GPC6: variants seen among roughly 807,000 people sequenced by gnomAD.
The protein encoded by GPC6 is glypican 6, also known as glypican-6.
Under a neutral mutation model 55.2 loss-of-function variants are expected in GPC6, and 14 were observed. The observed-to-expected ratio is 0.25, with a 90% CI of 0.17 to 0.40. The LOEUF (loss-of-function observed/expected upper bound fraction) is 0.40, where lower values mean the gene tolerates loss of function less well. GPC6 is among the 10% of genes least tolerant of loss of function. GPC6 has a pLI of 1.00. For missense variants in GPC6, 641 were observed against 708.5 expected (o/e 0.90, Z 1.08); for synonymous variants, 278 against 259.6 (o/e 1.07, Z -0.68).
At chr13:93,861,738 A>G (rs1888819847) in intron 3 of GPC6, among the ~76,000 whole-genome samples, 1 of 151,718 alleles carries the variant, frequency 6.6e-6, no homozygotes, top group African/African-American at 2.4e-5. Flanking sequence ...ATTGGAAAAC[A>G]GTGAAAAGAA....
At chr13:93,871,974 G>A (rs1304716309) in intron 3 of GPC6, among the ~76,000 whole-genome samples, 1 of 151,480 alleles carries the variant, frequency 6.6e-6, no homozygotes, top group African/African-American at 2.4e-5. Flanking sequence ...CTAGATAAGA[G>A]GCACAAAAGA....
chr13:93,253,868 A>T (rs890862331), intron 1 of GPC6, among the ~76,000 whole-genome samples: 1 of 152,196 alleles, frequency 6.6e-6, no homozygotes, highest in Admixed American at 6.5e-5. Context: ...TAAAATTAAT[A>T]TACTTCCCAT....
the GPC6 span, among the ~76,000 whole-genome samples, chr13:93,220,061 A>C: frequency 6.6e-6 from 1 of 152,164 alleles, no homozygotes; most frequent in Admixed American, 6.5e-5. Flanking sequence ...ATTCCCATAA[A>C]ATTTTATCAG....
intron 2 of GPC6, among the ~76,000 whole-genome samples, chr13:93,577,759 TG>T: frequency 6.6e-6 from 1 of 151,920 alleles, no homozygotes; most frequent in South Asian, 2.1e-4. Flanking sequence ...TAAATAAGAG[TG>T]GTGAAAGTGG....
intron 2 of GPC6, among the ~76,000 whole-genome samples, chr13:93,611,162 T>C (rs976862570): frequency 2.0e-5 from 3 of 152,160 alleles, no homozygotes; most frequent in Admixed American, 2.0e-4. Context: ...ACTCGAGTAC[T>C]ATATAAACTT....
intron 1 of GPC6, among the ~76,000 whole-genome samples, chr13:93,374,332 A>G (rs1157907817): frequency 2.6e-5 from 4 of 152,190 alleles, no homozygotes; most frequent in African/African-American, 9.7e-5. Context: ...AGGCCCGATT[A>G]AGAACATTCT....
intron 4 of GPC6, among the ~76,000 whole-genome samples, chr13:94,065,546 G>C (rs1884488216): frequency 6.6e-6 from 1 of 152,184 alleles, no homozygotes; most frequent in Admixed American, 6.5e-5. Flanking sequence ...AAATAGTGCT[G>C]TGATTTTACT....
At chr13:93,531,884 C>T (rs982199649) in intron 1 of GPC6, among the ~76,000 whole-genome samples, 1 of 152,118 alleles carries the variant, frequency 6.6e-6, no homozygotes, top group African/African-American at 2.4e-5. Flanking sequence ...CCCTCATTTC[C>T]TGCTCCACAT....
intron 2 of GPC6, among the ~76,000 whole-genome samples, chr13:93,630,681 T>A (rs1022003122): frequency 6.6e-6 from 1 of 152,182 alleles, no homozygotes; most frequent in Non-Finnish European, 1.5e-5. Context: ...TAACTAGTCA[T>A]GGATAATCTA....
chr13:93,724,141 G>A (rs1034496866), intron 2 of GPC6, among the ~76,000 whole-genome samples: 3 of 151,394 alleles, frequency 2.0e-5, no homozygotes, highest in Admixed American at 6.6e-5. Flanking sequence ...AGCTTTTACC[G>A]ATGGTACTGG....
chr13:93,597,764 T>C (rs1877826710), intron 2 of GPC6, among the ~76,000 whole-genome samples: 1 of 152,200 alleles, frequency 6.6e-6, no homozygotes, highest in Admixed American at 6.5e-5. Flanking sequence ...ATAGTACATA[T>C]AATTTTAAAA....
intron 4 of GPC6, among the ~76,000 whole-genome samples, chr13:94,159,147 G>A (rs1259923538): frequency 6.6e-6 from 1 of 152,134 alleles, no homozygotes; most frequent in Non-Finnish European, 1.5e-5. Flanking sequence ...GATGATTTGG[G>A]TAGGGATTCC....
chr13:93,403,501 T>C (rs1156690887), intron 1 of GPC6, among the ~76,000 whole-genome samples: 1 of 152,196 alleles, frequency 6.6e-6, no homozygotes, highest in African/African-American at 2.4e-5. Context: ...TCATCATAAT[T>C]AGTGGACTCA....
chr13:93,906,091 G>C (rs1046453692), intron 3 of GPC6, among the ~76,000 whole-genome samples: 3 of 152,120 alleles, frequency 2.0e-5, no homozygotes, highest in Non-Finnish European at 2.9e-5. Flanking sequence ...GATGCAGGGG[G>C]TGTCTCAGAA....
At chr13:94,312,521 G>A (rs1876299595) in intron 6 of GPC6, among the ~76,000 whole-genome samples, 1 of 152,106 alleles carries the variant, frequency 6.6e-6, no homozygotes, top group Admixed American at 6.6e-5. Flanking sequence ...ATTTTAAATT[G>A]CCATGGCATT....
chr13:93,520,243 G>C (rs1881363200), intron 1 of GPC6, among the ~76,000 whole-genome samples: 1 of 151,900 alleles, frequency 6.6e-6, no homozygotes, highest in African/African-American at 2.4e-5. Flanking sequence ...CGAAATTATA[G>C]CATTGTCCAA....
chr13:94,317,628 G>C (rs1170204299), intron 6 of GPC6, among the ~76,000 whole-genome samples: 1 of 152,148 alleles, frequency 6.6e-6, no homozygotes, highest in Non-Finnish European at 1.5e-5. Flanking sequence ...AATGGTGAGG[G>C]CTCAAGTGAA....
At chr13:93,884,788 C>T (rs926443087) in intron 3 of GPC6, among the ~76,000 whole-genome samples, 1 of 152,038 alleles carries the variant, frequency 6.6e-6, no homozygotes, top group Non-Finnish European at 1.5e-5. Context: ...CAACACTTTC[C>T]ATAGGGTTAT....
rs538640020 is a variant in GPC6, at chr13:93,992,786, C to G, written c.712-34943C>G. On this transcript the variant is annotated intron_variant, in intron 3 of 8. Coordinates refer to ENST00000377047, the MANE Select transcript of GPC6 (RefSeq NM_005708.5). Reference sequence around the variant, plus strand: ...GCTCTGATGTTGGCAGTTCCATCATCACTTATAAATTTAAAAGGACGGTGT... The same window carrying G: ...GCTCTGATGTTGGCAGTTCCATCATGACTTATAAATTTAAAAGGACGGTGT... 3.9e-5 allele frequency among the ~76,000 whole-genome samples: 6 copies of G among 152,234 alleles called. No homozygotes were observed. The South Asian group carries it at 1.2e-3, about 32-fold the overall frequency.
Sources: gnomAD v4.1 joint callset for allele counts (sites outside exome capture counted in the v4.1 genomes callset) on GRCh38, gnomAD v4.1.1 for gene constraint, MANE v1.5 for transcripts, NCBI Gene and HGNC (gene_info 2026-07-23, HGNC 2026-07-21) for gene names.